SLC6A7: variants seen among roughly 807,000 people sequenced by gnomAD.
The protein encoded by SLC6A7 is sodium-dependent proline transporter.
SLC6A7 carries 58 observed loss-of-function variants against 73.1 expected under a neutral mutation model. That is an observed-to-expected ratio of 0.79 (90% CI 0.64 to 0.99). SLC6A7 has a LOEUF of 0.99. Among genes scored for constraint, SLC6A7 ranks in the 50% least tolerant of loss-of-function variants. The pLI is 0.00. For synonymous variants in SLC6A7, 338 were observed against 338.7 expected (o/e 1.00, Z 0.02); for missense variants, 783 against 831.4 (o/e 0.94, Z 0.72).
chr5:150,190,235 C>G lies in SLC6A7; in HGVS notation c.-93C>G, dbSNP rs1459854399. Reference sequence around the variant, plus strand: ...CGCCCCAGCCGGTGCGCGGGAGCCGCGGGGGCAAAGGCGCAGTGGCCAGCG... The same window carrying G: ...CGCCCCAGCCGGTGCGCGGGAGCCGGGGGGGCAAAGGCGCAGTGGCCAGCG... On this transcript the variant is annotated 5_prime_UTR_variant, in exon 1 of 14. Coordinates refer to ENST00000230671, the MANE Select transcript of SLC6A7 (RefSeq NM_014228.5). 3 of 1,112,742 alleles carry G rather than the reference C, an allele frequency of 2.7e-6. No individual in the cohort carries two copies. The highest frequency in any genetic ancestry group is 3.8e-6 in the Non-Finnish European group (3 of 797,406). 68.9% of individuals were successfully genotyped at this position (1,112,742 alleles called of 1,614,324 possible).
chr5:150,193,133 C>T (rs1264194974), intron 1 of SLC6A7, among the ~76,000 whole-genome samples: 3 of 152,238 alleles, frequency 2.0e-5, no homozygotes, highest in African/African-American at 7.2e-5. Flanking sequence ...AACAGCTCTT[C>T]ATGCTCTGTC....
At chr5:150,198,102 A>AGAAG (rs1562085317) in intron 4 of SLC6A7, among the ~76,000 whole-genome samples, 5 of 107,732 alleles carry the variant, frequency 4.6e-5, no homozygotes, top group African/African-American at 1.4e-4. Flanking sequence ...AAAGAAAGAA[A>AGAAG]GAAAGAAAGA....
chr5:150,205,566 C>T lies in SLC6A7; in HGVS notation c.1644C>T (p.Leu548=). 3 of 1,613,670 alleles carry T rather than the reference C, an allele frequency of 1.9e-6. No individual in the cohort carries two copies. The highest frequency in any genetic ancestry group is 2.5e-6 in the Non-Finnish European group (3 of 1,179,856). The stretch of plus-strand genomic sequence containing the variant: ...TCCTGATGGGCCTGCTGTCCTGCCT[C>T]ATGATCCCAGCTGGCATGCTGGTGG... ...LGILMGLLSC[L]MIPAGMLVAV... is the part of the protein sequence containing the mutation. Residue 548 remains leucine (L), a synonymous_variant, in exon 13 of 14, where the codon CTC becomes CTT. Coordinates refer to ENST00000230671, the MANE Select transcript of SLC6A7 (RefSeq NM_014228.5).
At chr5:150,201,040 C>T (rs1753350804) in intron 5 of SLC6A7, 49 bp from the exon 6 acceptor site, 1 of 1,604,812 alleles carries the variant, frequency 6.2e-7, no homozygotes, top group African/African-American at 1.3e-5. Flanking sequence ...AGGAATGGCA[C>T]TGAGTCAAGG....
At chr5:150,195,281 C>T (rs1237158632) in intron 2 of SLC6A7, 3 of 186,884 alleles carry the variant, frequency 1.6e-5, no homozygotes, top group Non-Finnish European at 3.4e-5. Context: ...CTCCTTCCTC[C>T]ACCTCCTCCT....
chr5:150,206,443 G>A (rs1349163755), intron 13 of SLC6A7, among the ~76,000 whole-genome samples: 1 of 152,182 alleles, frequency 6.6e-6, no homozygotes, highest in Non-Finnish European at 1.5e-5. Context: ...TGGCAATGGT[G>A]GAGATATTTA....
intron 2 of SLC6A7, 111 bp downstream of exon 2, chr5:150,195,022 GA>G: frequency 3.4e-6 from 3 of 891,240 alleles, no homozygotes; most frequent in Non-Finnish European, 5.3e-6. Context: ...ACCTTGGGCA[GA>G]ACTCATTGAA....
At chr5:150,205,039 G>A (rs994103047) in intron 12 of SLC6A7, 112 bp downstream of exon 12, 12 of 657,252 alleles carry the variant, frequency 1.8e-5, no homozygotes, top group Non-Finnish European at 3.2e-5. Context: ...GGAGGGCTGT[G>A]GGGTGGCCAC....
rs1389065940 is a variant in SLC6A7 at position 150,209,591 on chromosome 5, A to C, written c.1887A>C (p.Ala629=). The C allele has an allele frequency of 6.2e-7, 1 of 1,610,420 alleles. No homozygotes were observed. Among genetic ancestry groups the C allele is most frequent in the Non-Finnish European group, 8.5e-7 (1 of 1,178,224 alleles). ...NTAIEVDREI[A]EEEESMM ...CCATCGAGGTGGACCGTGAGATTGC[A>C]GAGGAGGAGGAGTCGATGATGTGAG... is the stretch of plus-strand genomic sequence containing the variant. Residue 629 remains alanine (A), a synonymous_variant, in exon 14 of 14, where the codon GCA becomes GCC. Coordinates refer to ENST00000230671, the MANE Select transcript of SLC6A7 (RefSeq NM_014228.5).
intron 4 of SLC6A7, among the ~76,000 whole-genome samples, chr5:150,197,486 T>C (rs766992253): frequency 1.2e-4 from 18 of 152,326 alleles, no homozygotes; most frequent in Non-Finnish European, 2.4e-4. Context: ...ATCTGTAGCA[T>C]GAGGGCAATA....
rs1321734520 is a variant in SLC6A7 at position 150,196,847 on chromosome 5, G to C, written c.349G>C (p.Gly117Arg). Residue 117 changes from glycine (G) to arginine (R), a missense_variant and splice_region_variant, in exon 3 of 14, where the codon GGC (glycine) becomes CGC (arginine). By Grantham distance (125) the Gly-to-Arg change is moderately radical (BLOSUM62 -2). Transcript: ENST00000230671. ...AVWKISPLFK[G>R]AGAAMLLIVG... The stretch of plus-strand genomic sequence containing the variant: ...CTGGAAAATCAGCCCTCTCTTCAAA[G>C]GTGAGGCCTCAGTGGTCCCCAGGGA... The C allele has an allele frequency of 6.2e-7, 1 of 1,613,736 alleles. No individual in the cohort carries two copies. Among genetic ancestry groups the C allele is most frequent in the African/African-American group, 1.3e-5 (1 of 74,926 alleles).
At chr5:150,200,595 G>A (rs920444730) in intron 5 of SLC6A7, among the ~76,000 whole-genome samples, 5 of 152,198 alleles carry the variant, frequency 3.3e-5, no homozygotes, top group African/African-American at 1.2e-4. Flanking sequence ...GATACCAGAA[G>A]TATCATTTAC....
intron 1 of SLC6A7, among the ~76,000 whole-genome samples, chr5:150,191,547 C>T (rs1460172837): frequency 1.3e-5 from 2 of 151,964 alleles, no homozygotes; most frequent in Non-Finnish European, 2.9e-5. Flanking sequence ...TCTCCTGCCT[C>T]AGCCTCCCGA....
rs767617492 is a variant in SLC6A7 at position 150,202,598 on chromosome 5, C to G, written c.982C>G (p.Leu328Val). The change falls in exon 8 of 14, where the codon CTG (leucine) becomes GTG (valine). Residue 328 changes from leucine (L) to valine (V), a missense_variant. Leu to Val is a conservative substitution (Grantham distance 32, BLOSUM62 1). Coordinates refer to ENST00000230671, the MANE Select transcript of SLC6A7 (RefSeq NM_014228.5). ...NIYRDTFIVT[L>V]GNAITSILAG... ...TGGTAGAGACACTTTCATCGTCACT[C>G]TGGGCAACGCCATCACCAGCATCCT... 6.2e-7 allele frequency: 1 copy of G among 1,614,232 alleles called. No individual in the cohort carries two copies. Among genetic ancestry groups the G allele is most frequent in the African/African-American group, 1.3e-5 (1 of 75,076 alleles).
At chr5:150,190,806 C>G (rs1258598837) in intron 1 of SLC6A7, among the ~76,000 whole-genome samples, 6 of 152,158 alleles carry the variant, frequency 3.9e-5, no homozygotes, top group African/African-American at 1.4e-4. Context: ...AGCCGGCTCC[C>G]TGAGCCTGCG....
At chr5:150,209,297 G>T in intron 13 of SLC6A7, 109 bp from the exon 14 acceptor site, 1 of 905,648 alleles carries the variant, frequency 1.1e-6, no homozygotes, top group Non-Finnish European at 1.8e-6. Context: ...GCTGTGGCCA[G>T]GACTCCCCCA....
intron 12 of SLC6A7, 58 bp from the exon 13 acceptor site, chr5:150,205,398 G>A (rs531536920): frequency 2.2e-5 from 29 of 1,311,702 alleles, no homozygotes; most frequent in Admixed American, 8.0e-5. Context: ...GGGCTACCTC[G>A]GGCCTTAAGC....
chr5:150,204,448 C>G (rs1421354345), intron 10 of SLC6A7, 84 bp from the exon 11 acceptor site: 26 of 1,064,890 alleles, frequency 2.4e-5, no homozygotes, highest in Non-Finnish European at 3.7e-5. Context: ...ATGGCTGCTT[C>G]CTGCTCACTT....
At chr5:150,195,210 G>A (rs1314520567) in intron 2 of SLC6A7, 4 of 308,710 alleles carry the variant, frequency 1.3e-5, no homozygotes, top group South Asian at 7.3e-5. Flanking sequence ...CCTCTGCTTC[G>A]TGATAAGGAG....
Sources: gnomAD v4.1 joint callset for allele counts (sites outside exome capture counted in the v4.1 genomes callset) on GRCh38, gnomAD v4.1.1 for gene constraint, MANE v1.5 for transcripts, NCBI Gene and HGNC (gene_info 2026-07-23, HGNC 2026-07-21) for gene names.